The following TASL variants were observed in gnomAD, a reference collection of about 807,000 sequenced individuals.
TASL encodes the protein TLR adapter interacting with SLC15A4 on the lysosome.
Under a neutral mutation model 12.9 loss-of-function variants are expected in TASL, and 6 were observed. The observed-to-expected ratio is 0.46, with a 90% CI of 0.25 to 0.92. TASL has a LOEUF of 0.92. Among genes scored for constraint, TASL ranks in the 40% least tolerant of loss-of-function variants. TASL has a pLI of 0.17. For missense variants in TASL, 165 were observed against 212.8 expected (o/e 0.78, Z 1.40); for synonymous variants, 85 against 79.3 (o/e 1.07, Z -0.38).
chrX:30,573,092 A>AT (rs954741027), intron 2 of TASL, among the ~76,000 whole-genome samples: 20 of 112,023 alleles, frequency 1.8e-4, no homozygotes, highest in African/African-American at 6.5e-4. Context: ...AAATCTTTTA[A>AT]TTTTTTTCTC....
intron 2 of TASL, among the ~76,000 whole-genome samples, chrX:30,575,927 CT>C (rs1204956012): frequency 9.0e-6 from 1 of 111,308 alleles, no homozygotes; most frequent in Non-Finnish European, 1.9e-5. Context: ...TTTTGAATCA[CT>C]TTCAATGTAT....
intron 2 of TASL, among the ~76,000 whole-genome samples, chrX:30,575,362 A>G (rs948938584): frequency 2.7e-5 from 3 of 111,242 alleles, no homozygotes; most frequent in African/African-American, 9.8e-5. Flanking sequence ...CCTAAACAAA[A>G]AGCTTCTTTA....
chrX:30,560,228 T>C lies in TASL; in HGVS notation c.128A>G (p.Tyr43Cys), dbSNP rs1009535822. The change falls in exon 3 of 3, where the codon TAT (tyrosine) becomes TGT (cysteine). Residue 43 changes from tyrosine (Y) to cysteine (C), a missense_variant. Transcript: ENST00000378962. ...EETNSVATLS[Y>C]SSVDETQVRS... ...GACTTGTGTTTCATCCACAGAGGAA[T>C]AGGAAAGGGTAGCAACAGAATTTGT... The C allele has an allele frequency of 3.3e-6, 4 of 1,208,875 alleles. No individual in the cohort carries two copies. In the Admixed American group the frequency reaches 8.8e-5, roughly 26 times the overall value.
chrX:30,571,195 A>G (rs1930589396), intron 2 of TASL, among the ~76,000 whole-genome samples: 1 of 103,539 alleles, frequency 9.7e-6, no homozygotes, highest in Admixed American at 1.1e-4. Flanking sequence ...AAAGAAAGAA[A>G]GAAGGAAAGA....
chrX:30,568,477 G>GT (rs1380469203), intron 2 of TASL, among the ~76,000 whole-genome samples: 1 of 110,948 alleles, frequency 9.0e-6, no homozygotes, highest in Non-Finnish European at 1.9e-5. Flanking sequence ...GGTTTGTGTT[G>GT]TCAATTTCAT....
intron 2 of TASL, among the ~76,000 whole-genome samples, chrX:30,575,009 T>G (rs1292769994): frequency 8.9e-6 from 1 of 111,784 alleles, no homozygotes; most frequent in African/African-American, 3.2e-5. Flanking sequence ...TTTTTTTTAA[T>G]TTTCCAATCA....
intron 2 of TASL, among the ~76,000 whole-genome samples, chrX:30,561,981 T>A (rs1416121204): frequency 9.0e-6 from 1 of 110,555 alleles, no homozygotes; most frequent in Non-Finnish European, 1.9e-5. Flanking sequence ...AGAGAAAGAG[T>A]TTATCATAAA....
intron 2 of TASL, among the ~76,000 whole-genome samples, chrX:30,567,692 C>T (rs1487398141): frequency 2.7e-5 from 3 of 111,017 alleles, no homozygotes; most frequent in Non-Finnish European, 3.8e-5. Flanking sequence ...TCCTCCTCTT[C>T]ATGATGACAA....
chrX:30,565,310 G>A (rs1321850681), intron 2 of TASL, among the ~76,000 whole-genome samples: 1 of 111,988 alleles, frequency 8.9e-6, no homozygotes, highest in Non-Finnish European at 1.9e-5. Flanking sequence ...ACAGTGAAAA[G>A]ACATTCTGGG....
In TASL at chrX:30,571,232, G is replaced by GAAA. The variant is rs1362081152; in HGVS notation, c.-2+5519_-2+5520insTTT. Among the ~76,000 whole-genome samples, 517 of 83,156 alleles carry GAAA rather than the reference G, an allele frequency of 6.2e-3. 6 individuals carry two copies. The highest frequency in any genetic ancestry group is 8.6e-3 in the Non-Finnish European group (376 of 43,860). The allele number at this position is 83,156 out of a possible 115,157, so 72.2% of individuals were successfully genotyped here. On this transcript the variant is annotated intron_variant, in intron 2 of 2. Transcript: ENST00000378962. ...AGAAGGAAAGAAGGAAAGAAGGAAGGAAGGAAGGAAAAAGAGAAAGAAAGA... is the reference window on the plus strand; with the variant it reads ...AGAAGGAAAGAAGGAAAGAAGGAAGGAAAAAGGAAGGAAAAAGAGAAAGAAAGA...
At chrX:30,570,788 T>G (rs950516977) in intron 2 of TASL, among the ~76,000 whole-genome samples, 2 of 112,216 alleles carry the variant, frequency 1.8e-5, no homozygotes, top group Admixed American at 9.5e-5. Flanking sequence ...ATAAAATTTA[T>G]AAACAAAAAT....
intron 2 of TASL, among the ~76,000 whole-genome samples, chrX:30,571,236 G>GAAA (rs1293357398): frequency 2.5e-5 from 2 of 79,147 alleles, no homozygotes; most frequent in East Asian, 4.6e-4. Context: ...AGGAAGGAAG[G>GAAA]AAGGAAAAAG....
intron 2 of TASL, among the ~76,000 whole-genome samples, chrX:30,567,610 A>T (rs1930517673): frequency 9.0e-6 from 1 of 111,307 alleles, no homozygotes; most frequent in Admixed American, 9.6e-5. Flanking sequence ...CTAGGCGGCC[A>T]CTCTGTATAG....
At chrX:30,573,783 T>C (rs999140030) in intron 2 of TASL, among the ~76,000 whole-genome samples, 1 of 110,018 alleles carries the variant, frequency 9.1e-6, no homozygotes, top group Non-Finnish European at 1.9e-5. Context: ...CCTGGTGTGG[T>C]GGCGAGCACC....
intron 2 of TASL, among the ~76,000 whole-genome samples, chrX:30,567,371 G>T (rs755913082): frequency 2.7e-5 from 3 of 110,945 alleles, no homozygotes; most frequent in Non-Finnish European, 5.7e-5. Flanking sequence ...GTTATAAATA[G>T]CTTTTATATA....
At chrX:30,560,440 G>A (rs1930402040) in intron 2 of TASL, 84 bp from the exon 3 acceptor site, 1 of 652,002 alleles carries the variant, frequency 1.5e-6, no homozygotes, top group African/African-American at 2.3e-5. Flanking sequence ...AAAAAATAAG[G>A]ACAATGAATA....
intron 2 of TASL, among the ~76,000 whole-genome samples, chrX:30,572,980 T>C (rs931207125): frequency 1.8e-5 from 2 of 112,382 alleles, no homozygotes; most frequent in East Asian, 5.5e-4. Flanking sequence ...ATCATAATAA[T>C]GACAGCTGTA....
chrX:30,571,994 C>CTA (rs1195307400), intron 2 of TASL, among the ~76,000 whole-genome samples: 1 of 109,392 alleles, frequency 9.1e-6, no homozygotes, highest in Admixed American at 9.8e-5. Context: ...ATATATAAAG[C>CTA]TATATATATG....
At chrX:30,562,043 T>C (rs1476625171) in intron 2 of TASL, among the ~76,000 whole-genome samples, 2 of 111,802 alleles carry the variant, frequency 1.8e-5, no homozygotes, top group Non-Finnish European at 3.8e-5. Context: ...TACCCCCACC[T>C]AGGCTTTAGC....
Sources: gnomAD v4.1 joint callset for allele counts (sites outside exome capture counted in the v4.1 genomes callset) on GRCh38, gnomAD v4.1.1 for gene constraint, MANE v1.5 for transcripts, NCBI Gene and HGNC (gene_info 2026-07-23, HGNC 2026-07-21) for gene names.